The following ACACB variants were observed in gnomAD, a reference collection of about 807,000 sequenced individuals.
ACACB encodes the protein acetyl-CoA carboxylase 2.
A neutral mutation model predicts 278.8 loss-of-function variants in ACACB; 209 were observed. The ratio of observed to expected loss-of-function variants is 0.75; its 90% CI spans 0.67 to 0.84. The LOEUF (loss-of-function observed/expected upper bound fraction) is 0.84. Ranked by LOEUF, ACACB falls within the 40% of genes least tolerant of loss-of-function variation. ACACB has a pLI of 0.00. For missense variants in ACACB, 2,850 were observed against 3,269.0 expected, an observed-to-expected ratio of 0.87 and a Z score of 3.13; for synonymous variants, 1,174 against 1,285.6, an observed-to-expected ratio of 0.91 and a Z score of 1.86.
intron 11 of ACACB, among the ~76,000 whole-genome samples, chr12:109,182,492 T>G (rs1170206086): frequency 6.6e-6 from 1 of 152,136 alleles, no homozygotes; most frequent in African/African-American, 2.4e-5. Context: ...ATCAACCTCC[T>G]GAGTAGCTGA....
At chr12:109,185,518 G>T in intron 11 of ACACB, 61 bp from the exon 12 acceptor site, 1 of 1,585,848 alleles carries the variant, frequency 6.3e-7, no homozygotes, top group South Asian at 1.1e-5. Context: ...ACTGTGCCTG[G>T]TGTTTTGGGG....
At chr12:109,133,992 C>T (rs1015893301) in intron 1 of ACACB, among the ~76,000 whole-genome samples, 6 of 149,432 alleles carry the variant, frequency 4.0e-5, no homozygotes, top group Non-Finnish European at 8.9e-5. Flanking sequence ...CATCATGGCT[C>T]ACTGTAGTCT....
intron 36 of ACACB, 91 bp from the exon 37 acceptor site, chr12:109,242,346 A>G: frequency 7.0e-7 from 1 of 1,425,372 alleles, no homozygotes; most frequent in Non-Finnish European, 9.7e-7. Context: ...TGCTTCCCCC[A>G]CCTGCATTTT....
At chr12:109,132,523 G>A (rs2042856028) in intron 1 of ACACB, among the ~76,000 whole-genome samples, 1 of 152,180 alleles carries the variant, frequency 6.6e-6, no homozygotes, top group Non-Finnish European at 1.5e-5. Context: ...GGAGCTTGAA[G>A]ACACTCCACA....
chr12:109,148,369 T>C (rs986811349), intron 2 of ACACB, among the ~76,000 whole-genome samples: 1 of 152,164 alleles, frequency 6.6e-6, no homozygotes, highest in Non-Finnish European at 1.5e-5. Flanking sequence ...ACACTCAGGT[T>C]CAAAGCTACC....
chr12:109,143,462 C>CAAAAAA (rs10696128), intron 2 of ACACB, among the ~76,000 whole-genome samples: 8 of 104,024 alleles, frequency 7.7e-5, no homozygotes, highest in South Asian at 3.1e-4. Flanking sequence ...GACCCTGTCT[C>CAAAAAA]AAAAAAAAAA....
intron 2 of ACACB, among the ~76,000 whole-genome samples, chr12:109,166,517 C>A (rs1381439510): frequency 6.6e-6 from 1 of 151,680 alleles, no homozygotes; most frequent in Admixed American, 6.6e-5. Flanking sequence ...CCCATCTCTA[C>A]AAAAATGTTT....
intron 1 of ACACB, among the ~76,000 whole-genome samples, chr12:109,121,825 A>G (rs2042556177): frequency 6.6e-6 from 1 of 152,236 alleles, no homozygotes; most frequent in South Asian, 2.1e-4. Flanking sequence ...CCAGAGCAAG[A>G]CAGAGCCACT....
intron 48 of ACACB, among the ~76,000 whole-genome samples, chr12:109,261,247 G>A (rs896451571): frequency 2.6e-5 from 4 of 152,114 alleles, no homozygotes; most frequent in South Asian, 2.1e-4. Flanking sequence ...ATATAGGCAC[G>A]GCATTCCTGT....
intron 28 of ACACB, among the ~76,000 whole-genome samples, chr12:109,230,800 G>A (rs185542233): frequency 6.6e-5 from 10 of 152,346 alleles, no homozygotes; most frequent in Admixed American, 2.6e-4. Context: ...CCTGAGGGCT[G>A]TGGGTCATGC....
chr12:109,149,175 C>G (rs1593405844), intron 2 of ACACB, among the ~76,000 whole-genome samples: 1 of 152,258 alleles, frequency 6.6e-6, no homozygotes, highest in South Asian at 2.1e-4. Context: ...GCCTAACCTT[C>G]CCCCAGCGGG....
Position 109,179,241 on chromosome 12 carries a change from G to C in ACACB, c.1591G>C (p.Val531Leu), listed in dbSNP as rs757826653. 6.2e-7 allele frequency: 1 copy of C among 1,614,006 alleles called. No homozygotes were observed. The change falls in exon 10 of 53, where the codon GTT becomes CTT. Residue 531 changes from valine to leucine, a missense_variant. Around this residue, in one of 3 missense-constraint regions of ACACB, gnomAD observed 2,265 missense variants for 2,561.3 expected, o/e 0.88. Transcript: ENST00000338432. ...CATCCAGCGGCGGCATCAGAAGATC[G>C]TTGAGGAAGCACCGGCCACCATCGC... Reference protein sequence around the residue: ...CSIQRRHQKIVEEAPATIAPL... With the variant: ...CSIQRRHQKILEEAPATIAPL...
rs142550135 is a variant in ACACB at position 109,122,276 on chromosome 12, G to A, written c.-10+5572G>A. ...TCATCAATAAAACGAGGCTTCCCCTGCTACTGGTCTCACAAGGTGGAATGA... is the reference window on the plus strand; with the variant it reads ...TCATCAATAAAACGAGGCTTCCCCTACTACTGGTCTCACAAGGTGGAATGA... On this transcript the variant is annotated intron_variant, in intron 1 of 52. Coordinates refer to ENST00000338432, the MANE Select transcript of ACACB (RefSeq NM_001093.4). Among the ~76,000 whole-genome samples, 353 of 152,290 alleles carry A rather than the reference G, an allele frequency of 2.3e-3. 1 individual carries two copies. The highest frequency in any genetic ancestry group is 7.9e-3 in the African/African-American group (329 of 41,562).
At position 109,185,821 on chromosome 12, in the gene ACACB, G is replaced by A. The variant is rs2044639616; in HGVS notation, c.1980+81G>A. ...GACCCTGGATGTTAGCCTGGGAAGA[G>A]ACACCCACAAGCTATCCAGGCATCT... On this transcript the variant is annotated intron_variant, in intron 12 of 52. Transcript: ENST00000338432. The A allele has an allele frequency of 4.9e-6, 7 of 1,416,854 alleles. No homozygotes were observed. The South Asian group carries it at 8.8e-5, about 18-fold the overall frequency. 87.8% of individuals were successfully genotyped at this position (1,416,854 alleles called of 1,614,324 possible). A position where few individuals can be genotyped will look rare whatever the true frequency, so the allele number is the denominator to read the frequency against.
At chr12:109,148,938 A>C (rs1182331138) in intron 2 of ACACB, among the ~76,000 whole-genome samples, 1 of 152,142 alleles carries the variant, frequency 6.6e-6, no homozygotes, top group Non-Finnish European at 1.5e-5. Context: ...TTCTGCTCTA[A>C]ATGTCATTTT....
chr12:109,172,454 G>A, intron 6 of ACACB, 98 bp downstream of exon 6: 2 of 1,165,550 alleles, frequency 1.7e-6, no homozygotes, highest in Non-Finnish European at 2.5e-6. Flanking sequence ...TAAAGCGGAG[G>A]TCCGTTTGAT....
At chr12:109,144,754 C>CTTTTTTT (rs71079528) in intron 2 of ACACB, among the ~76,000 whole-genome samples, 3 of 102,800 alleles carry the variant, frequency 2.9e-5, no homozygotes, top group African/African-American at 7.8e-5. Flanking sequence ...TTCTTTCTTT[C>CTTTTTTT]TTTTTTTTTT....
intron 49 of ACACB, chr12:109,262,982 A>ATATATATATATATATATATT (rs1168270528): frequency 2.9e-5 from 4 of 137,624 alleles, no homozygotes; most frequent in Non-Finnish European, 4.7e-5. Context: ...ATATATATAT[A>ATATATATATATATATATATT]TTGCCATCGT....
At chr12:109,174,330 A>G (rs1315582622) in intron 7 of ACACB, 100 bp downstream of exon 7, 2 of 865,708 alleles carry the variant, frequency 2.3e-6, no homozygotes, top group Non-Finnish European at 3.3e-6. Context: ...AATTCTTTCC[A>G]TTACAAATGT....
Sources: allele counts gnomAD v4.1 joint callset (sites outside exome capture counted in the v4.1 genomes callset), GRCh38; gene constraint gnomAD v4.1.1; regional missense constraint gnomAD v4.1.1; transcripts MANE v1.5; gene names NCBI Gene and HGNC (gene_info 2026-07-23, HGNC 2026-07-21).